Variants in CMBL observed in about 807,000 individuals in gnomAD.
CMBL encodes carboxymethylenebutenolidase homolog (Pseudomonas).
A neutral mutation model predicts 28.7 loss-of-function variants in CMBL; 17 were observed. The observed-to-expected ratio is 0.59, with a 90% CI of 0.41 to 0.89. The LOEUF (loss-of-function observed/expected upper bound fraction) is 0.89. CMBL is among the 40% of genes least tolerant of loss of function. CMBL has a pLI of 0.00. For synonymous variants in CMBL, 106 were observed against 101.6 expected, an observed-to-expected ratio of 1.04 and a Z score of -0.26; for missense variants, 310 against 298.5, an observed-to-expected ratio of 1.04 and a Z score of -0.28.
chr5:10,291,048 G>T (rs1196862935), intron 1 of CMBL, among the ~76,000 whole-genome samples: 1 of 152,144 alleles, frequency 6.6e-6, no homozygotes, highest in Non-Finnish European at 1.5e-5. Context: ...CAGGGGGCAG[G>T]ATCGGAGAGG....
Position 10,290,665 on chromosome 5 carries a change from T to G in CMBL, c.98A>C (p.Tyr33Ser). ...REVQVEHIKAYVTKSPVDAGK... is the reference protein window; with the variant it reads ...REVQVEHIKASVTKSPVDAGK... Reference sequence around the variant, plus strand: ...TGCATCAACGGGGGATTTGGTGACATAAGCCTTGATGTGCTCGACTTGAAC... The same window carrying G: ...TGCATCAACGGGGGATTTGGTGACAGAAGCCTTGATGTGCTCGACTTGAAC... Residue 33 changes from tyrosine (Y) to serine (S), a missense_variant, in exon 2 of 6, where the codon TAT (tyrosine) becomes TCT (serine). Physicochemically the swap from Tyr to Ser is moderately radical, Grantham distance 144. Coordinates refer to ENST00000296658, the MANE Select transcript of CMBL (RefSeq NM_138809.4). 6.2e-7 allele frequency: 1 copy of G among 1,614,220 alleles called. No individual in the cohort carries two copies. Among genetic ancestry groups the G allele is most frequent in the East Asian group, 2.2e-5 (1 of 44,890 alleles).
chr5:10,292,975 A>G (rs1369472317), intron 1 of CMBL, among the ~76,000 whole-genome samples: 1 of 152,218 alleles, frequency 6.6e-6, no homozygotes, highest in Non-Finnish European at 1.5e-5. Flanking sequence ...ACCCACAATC[A>G]AAGTTTCAGT....
rs1049364326 is a variant in CMBL, at chr5:10,282,215, A to G, written c.540T>C (p.Val180=). 8.7e-6 allele frequency: 14 copies of G among 1,610,888 alleles called. No homozygotes were observed. The Middle Eastern group carries it at 1.2e-3, about 133-fold the overall frequency. The change falls in exon 5 of 6, where the codon GTT becomes GTC. Residue 180 remains valine, a synonymous_variant. Transcript: ENST00000296658. ...AACTTACGTCCTTGAGTGGAATCAC[A>G]ACATCATTTTCAGCAAAAATGAACA... The part of the protein sequence containing the change: ...PTLFIFAEND[V]VIPLKDVSLL...
chr5:10,279,861 A>C lies in CMBL; in HGVS notation c.*592T>G, dbSNP rs1349530153. The C allele has an allele frequency of 6.6e-6, 1 of 151,762 alleles. No individual in the cohort carries two copies. Among genetic ancestry groups the C allele is most frequent in the Non-Finnish European group, 1.5e-5 (1 of 67,962 alleles). 9.4% of individuals were successfully genotyped at this position (151,762 alleles called of 1,614,324 possible). On this transcript the variant is annotated 3_prime_UTR_variant, in exon 6 of 6. Transcript: ENST00000296658. ...GGCCTGTAGGTTTTAACTAATAATT[A>C]GGGTATTACTCTATCATTCTCTATC...
chr5:10,283,756 G>T (rs567125161), intron 4 of CMBL, among the ~76,000 whole-genome samples: 3 of 152,152 alleles, frequency 2.0e-5, no homozygotes, highest in African/African-American at 7.2e-5. Context: ...AGAACAAGAT[G>T]CTGTCTCAAA....
chr5:10,294,917 T>C (rs540144247), intron 1 of CMBL, among the ~76,000 whole-genome samples: 1 of 152,272 alleles, frequency 6.6e-6, no homozygotes, highest in South Asian at 2.1e-4. Context: ...GTTTGGGGCA[T>C]ATTAAGGCTG....
chr5:10,294,875 G>A (rs1020792271), intron 1 of CMBL, among the ~76,000 whole-genome samples: 1 of 152,170 alleles, frequency 6.6e-6, no homozygotes, highest in Non-Finnish European at 1.5e-5. Context: ...AAGGGATGTG[G>A]GAAGAGCTGG....
In CMBL at chr5:10,286,464, T is replaced by C; in HGVS notation, c.356A>G (p.Gln119Arg). 1.2e-6 allele frequency: 2 copies of C among 1,614,102 alleles called. No homozygotes were observed. The highest frequency in any genetic ancestry group is 4.5e-5 in the East Asian group (2 of 44,888). The change falls in exon 4 of 6, where the codon CAA (glutamine) becomes CGA (arginine). Residue 119 changes from glutamine (Q) to arginine (R), a missense_variant. Physicochemically the swap from Gln to Arg is conservative, Grantham distance 43. Transcript: ENST00000296658. ...EISAILKYLK[Q>R]QCHAQKIGIV... ...GCCAATTTTCTGGGCATGACACTGT[T>C]GTTTCAGATACTTCAAGATAGCACT...
chr5:10,283,952 T>G (rs1022579894), intron 4 of CMBL, among the ~76,000 whole-genome samples: 10 of 152,140 alleles, frequency 6.6e-5, no homozygotes, highest in African/African-American at 2.4e-4. Context: ...AAGACGTAAA[T>G]AACATAACTT....
chr5:10,283,545 A>T (rs1435483984), intron 4 of CMBL, among the ~76,000 whole-genome samples: 2 of 152,182 alleles, frequency 1.3e-5, no homozygotes, highest in Non-Finnish European at 2.9e-5. Flanking sequence ...TGGGAGGCCA[A>T]GGCGGGGTGG....
intron 1 of CMBL, among the ~76,000 whole-genome samples, chr5:10,299,815 T>A (rs372195020): frequency 6.6e-6 from 1 of 152,102 alleles, no homozygotes; most frequent in East Asian, 1.9e-4. Flanking sequence ...AGGCTTGGTG[T>A]TAAGAGTGAG....
chr5:10,304,090 G>C (rs1746957352), intron 1 of CMBL, among the ~76,000 whole-genome samples: 1 of 152,124 alleles, frequency 6.6e-6, no homozygotes, highest in African/African-American at 2.4e-5. Context: ...GCTGAGAACA[G>C]TGGCTCATGC....
At chr5:10,301,881 A>AGG (rs1746906893) in intron 1 of CMBL, among the ~76,000 whole-genome samples, 1 of 151,964 alleles carries the variant, frequency 6.6e-6, no homozygotes. Context: ...ATGAGGACCT[A>AGG]GGGATCACAG....
chr5:10,290,362 C>T, intron 2 of CMBL, 186 bp downstream of exon 2: 1 of 604,348 alleles, frequency 1.7e-6, no homozygotes, highest in Non-Finnish European at 2.9e-6. Flanking sequence ...GGGTTAGGAG[C>T]ACCAGGTGGG....
intron 1 of CMBL, among the ~76,000 whole-genome samples, chr5:10,300,111 G>T (rs902264770): frequency 6.6e-6 from 1 of 152,202 alleles, no homozygotes; most frequent in Admixed American, 6.5e-5. Flanking sequence ...TTAAGATGAG[G>T]TCATACTGGA....
At chr5:10,306,627 G>C in intron 1 of CMBL, among the ~76,000 whole-genome samples, 1 of 152,190 alleles carries the variant, frequency 6.6e-6, no homozygotes, top group Non-Finnish European at 1.5e-5. Context: ...AACATTGTAG[G>C]AACTTGCATG....
At chr5:10,281,464 C>G (rs796689713) in intron 5 of CMBL, among the ~76,000 whole-genome samples, 7 of 152,242 alleles carry the variant, frequency 4.6e-5, no homozygotes, top group African/African-American at 1.7e-4. Context: ...TCAATCCTCC[C>G]ACCTCAGCCT....
At chr5:10,294,204 A>C (rs1746772282) in intron 1 of CMBL, among the ~76,000 whole-genome samples, 1 of 152,202 alleles carries the variant, frequency 6.6e-6, no homozygotes, top group Non-Finnish European at 1.5e-5. Context: ...TTACTGGAAG[A>C]ATTTAGTTTT....
chr5:10,294,348 G>T (rs1746774147), intron 1 of CMBL, among the ~76,000 whole-genome samples: 1 of 152,110 alleles, frequency 6.6e-6, no homozygotes, highest in African/African-American at 2.4e-5. Context: ...GCTGAGGTGG[G>T]AGGATTGTTT....
Sources: allele counts gnomAD v4.1 joint callset (sites outside exome capture counted in the v4.1 genomes callset), GRCh38; gene constraint gnomAD v4.1.1; transcripts MANE v1.5; gene names NCBI Gene and HGNC (gene_info 2026-07-23, HGNC 2026-07-21).